The following SLCO1B3 variants were observed in gnomAD, a reference collection of about 807,000 sequenced individuals.
SLCO1B3 encodes the protein liver-specific organic anion transporter 2.
In SLCO1B3, 72 loss-of-function variants were observed where a neutral mutation model predicts 71.8. The observed-to-expected ratio is 1.00, with a 90% CI of 0.83 to 1.22. The LOEUF (loss-of-function observed/expected upper bound fraction) is 1.22. SLCO1B3 is among the 50% of genes most tolerant of loss of function. The probability of loss-of-function intolerance (pLI) is 0.00; values close to 1 mark genes in which losing one functional copy is unlikely to be tolerated. For missense variants in SLCO1B3, 911 were observed against 819.7 expected (o/e 1.11, Z -1.36); for synonymous variants, 298 against 278.4 (o/e 1.07, Z -0.70).
chr12:20,912,344 T>G (rs1866397620), intron 15 of SLCO1B3, among the ~76,000 whole-genome samples: 1 of 149,006 alleles, frequency 6.7e-6, no homozygotes. Context: ...TTTATTTATT[T>G]ATTTTGAGAC....
rs1195976617 is a variant in SLCO1B3, at chr12:20,889,361, T to C, written c.1682+5759T>C. The stretch of plus-strand genomic sequence containing the variant: ...CATCAGGAGATTTTTTAATTATTAT[T>C]ACTAATTCAATTTAATTGCTCATTA... On this transcript the variant is annotated intron_variant, in intron 13 of 15. Transcript: ENST00000381545. Among the ~76,000 whole-genome samples, 3 of 152,068 alleles carry C rather than the reference T, an allele frequency of 2.0e-5. No homozygotes were observed. In the East Asian group the frequency reaches 5.8e-4, roughly 29 times the overall value.
intron 3 of SLCO1B3, among the ~76,000 whole-genome samples, chr12:20,820,039 G>A (rs911313789): frequency 2.0e-5 from 3 of 152,056 alleles, no homozygotes; most frequent in Non-Finnish European, 4.4e-5. Flanking sequence ...AAAGAGTATT[G>A]TCTAAGTTGG....
chr12:20,859,037 C>T (rs1408136741), intron 5 of SLCO1B3: 1 of 152,384 alleles, frequency 6.6e-6, no homozygotes, highest in African/African-American at 2.4e-5. Context: ...ATAGCAATAA[C>T]TTAAATAAGA....
chr12:20,865,657 A>C (rs1865359210), intron 8 of SLCO1B3, among the ~76,000 whole-genome samples: 1 of 152,142 alleles, frequency 6.6e-6, no homozygotes, highest in South Asian at 2.1e-4. Flanking sequence ...AAAACCTTGC[A>C]GATAAACTAG....
intron 15 of SLCO1B3, among the ~76,000 whole-genome samples, chr12:20,912,512 T>G (rs953499149): frequency 8.9e-6 from 1 of 112,794 alleles, no homozygotes; most frequent in Non-Finnish European, 1.9e-5. Context: ...TTTTTTTTTT[T>G]GTATTTTTTC....
chr12:20,837,946 G>A (rs936976114), intron 3 of SLCO1B3, among the ~76,000 whole-genome samples: 3 of 152,010 alleles, frequency 2.0e-5, no homozygotes, highest in African/African-American at 7.2e-5. Context: ...CTATGATAGT[G>A]TATTCATCTA....
intron 15 of SLCO1B3, among the ~76,000 whole-genome samples, chr12:20,909,408 T>C (rs995361463): frequency 2.8e-4 from 42 of 151,020 alleles, no homozygotes; most frequent in African/African-American, 9.2e-4. Context: ...CTCCTGACCT[T>C]GTGATCCGCC....
intron 6 of SLCO1B3, among the ~76,000 whole-genome samples, chr12:20,861,572 A>G (rs1180812637): frequency 6.6e-6 from 1 of 152,176 alleles, no homozygotes; most frequent in African/African-American, 2.4e-5. Context: ...TTTGCAAAGA[A>G]CATACACATT....
intron 13 of SLCO1B3, among the ~76,000 whole-genome samples, chr12:20,885,782 G>A (rs1429176566): frequency 2.0e-5 from 3 of 151,874 alleles, no homozygotes; most frequent in Non-Finnish European, 2.9e-5. Flanking sequence ...CAGAGCTAGC[G>A]TGATCCAGAT....
At chr12:20,860,322 C>A (rs574094610) in intron 5 of SLCO1B3, among the ~76,000 whole-genome samples, 1 of 152,056 alleles carries the variant, frequency 6.6e-6, no homozygotes, top group Non-Finnish European at 1.5e-5. Flanking sequence ...ACTATATCTT[C>A]GATCATACAC....
At chr12:20,822,052 G>A (rs1377255786) in intron 3 of SLCO1B3, among the ~76,000 whole-genome samples, 3 of 152,174 alleles carry the variant, frequency 2.0e-5, no homozygotes, top group Non-Finnish European at 2.9e-5. Flanking sequence ...ATTTGAAATT[G>A]GTGAGATGTT....
rs779957534 is a variant in SLCO1B3 at position 20,916,151 on chromosome 12, A to T, written c.2013A>T (p.Leu671Phe). The change falls in exon 16 of 16, where the codon TTA becomes TTT. Residue 671 changes from leucine (L) to phenylalanine (F), a missense_variant. By Grantham distance (22) the Leu-to-Phe change is conservative. Coordinates refer to ENST00000381545, the MANE Select transcript of SLCO1B3 (RefSeq NM_019844.4). The stretch of plus-strand genomic sequence containing the variant: ...GAAAAGTAATGGATGAAGCAAACTT[A>T]GAATTCTTAAATAATGGTGAACATT... The part of the protein sequence containing the change: ...NERKVMDEAN[L>F]EFLNNGEHFV... 6.2e-7 allele frequency: 1 copy of T among 1,613,266 alleles called. No individual in the cohort carries two copies. The highest frequency in any genetic ancestry group is 1.7e-5 in the Admixed American group (1 of 60,016).
chr12:20,827,814 C>T (rs1422536073), intron 3 of SLCO1B3, among the ~76,000 whole-genome samples: 1 of 152,090 alleles, frequency 6.6e-6, no homozygotes, highest in African/African-American at 2.4e-5. Flanking sequence ...ATGATCCGCC[C>T]GCCTTGGCCT....
intron 8 of SLCO1B3, among the ~76,000 whole-genome samples, chr12:20,867,972 G>A (rs2196028): frequency 0.72 from 110,110 of 151,986 alleles, 42,481 homozygotes; most frequent in South Asian, 0.9. Context: ...TCCTCTACCT[G>A]TTCAATGTGA....
intron 8 of SLCO1B3, among the ~76,000 whole-genome samples, chr12:20,867,312 G>A (rs1470829869): frequency 1.3e-5 from 2 of 151,994 alleles, no homozygotes; most frequent in African/African-American, 4.8e-5. Context: ...TATGTAAAAA[G>A]CCACAAAAGC....
intron 3 of SLCO1B3, among the ~76,000 whole-genome samples, chr12:20,827,417 C>G (rs946255665): frequency 6.6e-6 from 1 of 152,074 alleles, no homozygotes; most frequent in South Asian, 2.1e-4. Context: ...TTTTGTAAAT[C>G]CAATTAATTA....
At chr12:20,820,253 G>A (rs1219325401) in intron 3 of SLCO1B3, among the ~76,000 whole-genome samples, 1 of 152,180 alleles carries the variant, frequency 6.6e-6, no homozygotes, top group Non-Finnish European at 1.5e-5. Flanking sequence ...GGGCTTCTGA[G>A]GTGATCAGGC....
intron 13 of SLCO1B3, among the ~76,000 whole-genome samples, chr12:20,896,977 C>T (rs1443742271): frequency 6.6e-6 from 1 of 152,138 alleles, no homozygotes; most frequent in Non-Finnish European, 1.5e-5. Flanking sequence ...GCCATCAGAT[C>T]TTGTGAGACT....
chr12:20,829,464 G>A (rs36076858), intron 3 of SLCO1B3, among the ~76,000 whole-genome samples: 22,947 of 152,100 alleles, frequency 0.15, 1,940 homozygotes, highest in African/African-American at 0.23. Flanking sequence ...TGAAGCAAGT[G>A]AAACTCCAGA....
Sources: allele counts gnomAD v4.1 joint callset (sites outside exome capture counted in the v4.1 genomes callset), GRCh38; gene constraint gnomAD v4.1.1; transcripts MANE v1.5; gene names NCBI Gene and HGNC (gene_info 2026-07-23, HGNC 2026-07-21).